Variants in KCNAB1 observed in about 807,000 individuals in gnomAD.
KCNAB1 encodes potassium voltage-gated channel subfamily A regulatory beta subunit 1, also known as voltage-gated potassium channel subunit beta-1.
Under a neutral mutation model 64.6 loss-of-function variants are expected in KCNAB1, and 35 were observed. The ratio of observed to expected loss-of-function variants is 0.54; its 90% confidence interval spans 0.41 to 0.72. The LOEUF is 0.72. Among genes scored for constraint, KCNAB1 ranks in the 30% least tolerant of loss-of-function variants. The pLI is 0.00. For synonymous variants in KCNAB1, 177 were observed against 183.8 expected, an observed-to-expected ratio of 0.96 and a Z score of 0.30; for missense variants, 401 against 512.9, an observed-to-expected ratio of 0.78 and a Z score of 2.11.
chr3:156,532,755 C>T lies in KCNAB1; in HGVS notation c.1170+1258C>T, dbSNP rs1576985926. Among the ~76,000 whole-genome samples, 3 of 152,170 alleles carry T rather than the reference C, an allele frequency of 2.0e-5. No homozygotes were observed. In the East Asian group the frequency reaches 5.8e-4, roughly 29 times the overall value. On this transcript the variant is annotated intron_variant, in intron 13 of 13. Coordinates refer to ENST00000490337, the MANE Select transcript of KCNAB1 (RefSeq NM_172160.3). ...CTGGATTCTGTGAGGTTCCCTGTAG[C>T]TACGTGAGGAATTCTCCCTCTTATG...
chr3:156,140,340 A>C (rs1026230631), intron 1 of KCNAB1, among the ~76,000 whole-genome samples: 3 of 152,182 alleles, frequency 2.0e-5, no homozygotes, highest in Admixed American at 6.5e-5. Context: ...TAATGGCTTA[A>C]ACAATGCACA....
intron 11 of KCNAB1, among the ~76,000 whole-genome samples, chr3:156,521,338 A>G (rs1316005394): frequency 6.6e-6 from 1 of 152,154 alleles, no homozygotes; most frequent in Non-Finnish European, 1.5e-5. Flanking sequence ...GTCACACTGC[A>G]TTGGGGAGGA....
At chr3:156,472,458 A>G (rs1049095859) in intron 7 of KCNAB1, among the ~76,000 whole-genome samples, 1 of 152,140 alleles carries the variant, frequency 6.6e-6, no homozygotes, top group Non-Finnish European at 1.5e-5. Context: ...TAAATCTCAC[A>G]CAGAATCCAA....
At chr3:156,223,783 C>T (rs1400279641) in intron 1 of KCNAB1, among the ~76,000 whole-genome samples, 3 of 152,344 alleles carry the variant, frequency 2.0e-5, no homozygotes, top group African/African-American at 7.2e-5. Flanking sequence ...GGTGTATTCA[C>T]AATCCCCTAG....
intron 1 of KCNAB1, among the ~76,000 whole-genome samples, chr3:156,285,004 A>G (rs1004355663): frequency 6.6e-6 from 1 of 152,086 alleles, no homozygotes; most frequent in Non-Finnish European, 1.5e-5. Flanking sequence ...GAATACTTTA[A>G]CCAATTTTTT....
At chr3:156,292,817 A>G (rs1044263216) in intron 1 of KCNAB1, among the ~76,000 whole-genome samples, 2 of 152,236 alleles carry the variant, frequency 1.3e-5, no homozygotes, top group Admixed American at 1.3e-4. Flanking sequence ...TGCTGGGATT[A>G]CAGGAGTAAA....
chr3:156,304,517 C>T (rs1006111309), intron 1 of KCNAB1, among the ~76,000 whole-genome samples: 2 of 152,128 alleles, frequency 1.3e-5, no homozygotes, highest in Non-Finnish European at 2.9e-5. Flanking sequence ...GTTATACTGA[C>T]CAGCGTATGT....
intron 1 of KCNAB1, among the ~76,000 whole-genome samples, chr3:156,160,341 T>C (rs1716001509): frequency 6.6e-6 from 1 of 152,178 alleles, no homozygotes; most frequent in Admixed American, 6.5e-5. Context: ...ACAATACCTA[T>C]CCCATAGGGT....
chr3:156,341,149 G>T (rs897323738), intron 1 of KCNAB1, among the ~76,000 whole-genome samples: 5 of 152,126 alleles, frequency 3.3e-5, no homozygotes, highest in Admixed American at 1.3e-4. Flanking sequence ...CTTCTTTTAT[G>T]ATGTAAAGTC....
At chr3:156,348,613 G>C (rs901699244) in intron 1 of KCNAB1, among the ~76,000 whole-genome samples, 5 of 152,218 alleles carry the variant, frequency 3.3e-5, no homozygotes, top group African/African-American at 1.2e-4. Context: ...TGACATCCAA[G>C]TGGAGTTATA....
At chr3:156,400,464 C>T (rs1489068601) in intron 1 of KCNAB1, among the ~76,000 whole-genome samples, 1 of 152,238 alleles carries the variant, frequency 6.6e-6, no homozygotes, top group Non-Finnish European at 1.5e-5. Context: ...CCATCCTCCA[C>T]ACTGCTGTCA....
chr3:156,158,625 G>A (rs186903312), intron 1 of KCNAB1, among the ~76,000 whole-genome samples: 13 of 152,276 alleles, frequency 8.5e-5, no homozygotes, highest in African/African-American at 3.1e-4. Context: ...CCAGAGGTAG[G>A]GAAAAATTTC....
intron 8 of KCNAB1, among the ~76,000 whole-genome samples, chr3:156,485,331 T>C (rs750800221): frequency 2.0e-5 from 3 of 152,136 alleles, no homozygotes; most frequent in Non-Finnish European, 4.4e-5. Flanking sequence ...CACCTACATT[T>C]ACCAAATTGT....
At chr3:156,242,771 C>T (rs530943832) in intron 1 of KCNAB1, among the ~76,000 whole-genome samples, 2 of 149,046 alleles carry the variant, frequency 1.3e-5, no homozygotes, top group African/African-American at 2.5e-5. Flanking sequence ...TCTCTGTGAA[C>T]AGTCTCTATT....
At chr3:156,384,266 A>G (rs1433381909) in intron 1 of KCNAB1, among the ~76,000 whole-genome samples, 1 of 152,190 alleles carries the variant, frequency 6.6e-6, no homozygotes, top group Non-Finnish European at 1.5e-5. Context: ...TCTTTTTACA[A>G]GATATTATGA....
At chr3:156,270,048 TG>T (rs1339882342) in intron 1 of KCNAB1, among the ~76,000 whole-genome samples, 2 of 151,838 alleles carry the variant, frequency 1.3e-5, no homozygotes, top group Non-Finnish European at 2.9e-5. Flanking sequence ...CCTGATTAGC[TG>T]GGACTACAGG....
intron 1 of KCNAB1, among the ~76,000 whole-genome samples, chr3:156,290,751 C>T (rs1576683100): frequency 1.3e-5 from 2 of 152,302 alleles, no homozygotes; most frequent in East Asian, 3.9e-4. Flanking sequence ...CATCCCCCTC[C>T]TGAGTGGTGC....
intron 1 of KCNAB1, among the ~76,000 whole-genome samples, chr3:156,203,069 C>A (rs1714444831): frequency 6.6e-6 from 1 of 152,128 alleles, no homozygotes; most frequent in Non-Finnish European, 1.5e-5. Flanking sequence ...AAAAGATGAT[C>A]TTTTCATCTT....
At chr3:156,271,365 A>G (rs1233043583) in intron 1 of KCNAB1, among the ~76,000 whole-genome samples, 1 of 151,886 alleles carries the variant, frequency 6.6e-6, no homozygotes, top group Non-Finnish European at 1.5e-5. Context: ...GGTGTGTTTT[A>G]TTCTTTTTTA....
Sources: allele counts gnomAD v4.1 joint callset (sites outside exome capture counted in the v4.1 genomes callset), GRCh38; gene constraint gnomAD v4.1.1; transcripts MANE v1.5; gene names NCBI Gene and HGNC (gene_info 2026-07-23, HGNC 2026-07-21).